The following PCLO variants were observed in gnomAD, a reference collection of about 807,000 sequenced individuals.
PCLO encodes protein piccolo.
A neutral mutation model predicts 427.5 loss-of-function variants in PCLO; 82 were observed. The ratio of observed to expected loss-of-function variants is 0.19; its 90% CI spans 0.16 to 0.23. The LOEUF is 0.23. Among genes scored for constraint, PCLO ranks in the 10% least tolerant of loss-of-function variants. PCLO has a pLI of 1.00. For missense variants in PCLO, 6,239 were observed against 6,115.9 expected (o/e 1.02, Z -0.67); for synonymous variants, 2,357 against 2,155.4 (o/e 1.09, Z -2.59).
intron 3 of PCLO, among the ~76,000 whole-genome samples, chr7:82,971,740 CCA>C (rs1491408377): frequency 1.4e-5 from 2 of 142,860 alleles, no homozygotes; most frequent in African/African-American, 5.2e-5. Context: ...TTTGTACCAA[CCA>C]TATATATATA....
chr7:83,041,526 TTA>T (rs1228722900), intron 3 of PCLO, among the ~76,000 whole-genome samples: 2 of 152,174 alleles, frequency 1.3e-5, no homozygotes, highest in African/African-American at 4.8e-5. Context: ...CATAACCAAA[TTA>T]TATATCATAG....
chr7:82,783,197 G>T (rs1790910730), intron 22 of PCLO, among the ~76,000 whole-genome samples: 1 of 152,204 alleles, frequency 6.6e-6, no homozygotes, highest in African/African-American at 2.4e-5. Context: ...ATCTACATGT[G>T]AATTTCTTAG....
At chr7:82,925,713 C>CTTTTTTTTTTT (rs34017885) in intron 6 of PCLO, among the ~76,000 whole-genome samples, 6 of 78,986 alleles carry the variant, frequency 7.6e-5, no homozygotes, top group Non-Finnish European at 1.2e-4. Flanking sequence ...ATTTTTGTTG[C>CTTTTTTTTTTT]TTTTTTTTTT....
chr7:82,996,418 G>A (rs1346964884), intron 3 of PCLO, among the ~76,000 whole-genome samples: 1 of 151,858 alleles, frequency 6.6e-6, no homozygotes, highest in African/African-American at 2.4e-5. Flanking sequence ...GAATATAGAA[G>A]TACTGAACCC....
rs969672419 is a variant in PCLO at position 82,916,592 on chromosome 7, T to C, written c.11394A>G (p.Leu3798=). Residue 3798 remains leucine, a synonymous_variant, in exon 7 of 25, where the codon CTA becomes CTG. Transcript: ENST00000333891. Reference sequence around the variant, plus strand: ...TGTTAATTCCCATTTCCAGGTATCGTAGCTTAGCATCAATCTCCTTTTCTT... The same window carrying C: ...TGTTAATTCCCATTTCCAGGTATCGCAGCTTAGCATCAATCTCCTTTTCTT... ...DEEEKEIDAK[L]RYLEMGINRR... 1 of 1,613,716 alleles carries C rather than the reference T, an allele frequency of 6.2e-7. No homozygotes were observed. The highest frequency in any genetic ancestry group is 1.3e-5 in the African/African-American group (1 of 75,030).
Position 82,876,455 on chromosome 7 carries a change from TACACAC to T in PCLO, c.13654+2876_13654+2881del, listed in dbSNP as rs35270740. On this transcript the variant is annotated intron_variant, in intron 10 of 24. Transcript: ENST00000333891. ...ACAGAACTATAGACAAAAACAAGTATACACACACACACACACACACACACACACACA... is the reference window on the plus strand; with the variant it reads ...ACAGAACTATAGACAAAAACAAGTATACACACACACACACACACACACACA... Among the ~76,000 whole-genome samples, 76 of 143,210 alleles carry T rather than the reference TACACAC, an allele frequency of 5.3e-4. 1 individual carries two copies. Among genetic ancestry groups the T allele is most frequent in the Admixed American group, 1.9e-3 (28 of 14,430 alleles). 94.0% of individuals were successfully genotyped at this position (143,210 alleles called of 152,430 possible).
At chr7:82,947,021 T>C (rs1267097859) in intron 6 of PCLO, among the ~76,000 whole-genome samples, 5 of 152,190 alleles carry the variant, frequency 3.3e-5, no homozygotes, top group Non-Finnish European at 5.9e-5. Context: ...GGCCCTCACT[T>C]GCCTTTCTGA....
intron 22 of PCLO, among the ~76,000 whole-genome samples, chr7:82,763,691 G>A (rs1290300711): frequency 6.6e-6 from 1 of 151,896 alleles, no homozygotes; most frequent in African/African-American, 2.4e-5. Context: ...CTCTTCCTCT[G>A]TCAAAAAACT....
At chr7:82,776,778 C>G (rs6955687) in intron 22 of PCLO, among the ~76,000 whole-genome samples, 92,244 of 151,738 alleles carry the variant, frequency 0.61, 29,116 homozygotes, top group East Asian at 0.87. Flanking sequence ...CTGGAAGACA[C>G]AGCGAGACTC....
intron 3 of PCLO, among the ~76,000 whole-genome samples, chr7:82,976,939 C>T (rs1796030501): frequency 6.6e-6 from 1 of 152,156 alleles, no homozygotes; most frequent in African/African-American, 2.4e-5. Flanking sequence ...TGCCTGGTCT[C>T]AAACTCCTGG....
chr7:82,908,886 A>G lies in PCLO; in HGVS notation c.13428T>C (p.His4476=), dbSNP rs1794254542. 2 of 1,612,074 alleles carry G rather than the reference A, an allele frequency of 1.2e-6. No individual in the cohort carries two copies. Among genetic ancestry groups the G allele is most frequent in the Admixed American group, 3.3e-5 (2 of 59,816 alleles). Residue 4476 remains histidine, a synonymous_variant, in exon 8 of 25, where the codon CAT becomes CAC. Coordinates refer to ENST00000333891, the MANE Select transcript of PCLO (RefSeq NM_033026.6). ...RLVHSRPLSQ[H]QEQIIQMNGK... ...TAAATATAGCACTTACTTGCTCTTG[A>G]TGTTGACTGAGTGGTCTAGAGTGGA...
intron 3 of PCLO, among the ~76,000 whole-genome samples, chr7:83,092,189 G>A (rs1182361137): frequency 6.6e-6 from 1 of 152,116 alleles, no homozygotes; most frequent in Non-Finnish European, 1.5e-5. Flanking sequence ...AATATGATTT[G>A]TAAGTCACCC....
intron 1 of PCLO, among the ~76,000 whole-genome samples, chr7:83,158,958 A>G (rs900772391): frequency 6.6e-6 from 1 of 152,074 alleles, no homozygotes; most frequent in Non-Finnish European, 1.5e-5. Flanking sequence ...TTTGTTAGGC[A>G]TAACAGTTTT....
chr7:82,985,344 T>C (rs1213629155), intron 3 of PCLO, among the ~76,000 whole-genome samples: 1 of 152,084 alleles, frequency 6.6e-6, no homozygotes, highest in African/African-American at 2.4e-5. Context: ...CCATGGTATT[T>C]ATTTTGGCCA....
intron 3 of PCLO, among the ~76,000 whole-genome samples, chr7:82,974,978 C>T (rs530128102): frequency 3.3e-5 from 5 of 152,062 alleles, no homozygotes; most frequent in African/African-American, 1.2e-4. Context: ...GGGGTTTCAC[C>T]GTATTAGCCA....
intron 4 of PCLO, among the ~76,000 whole-genome samples, chr7:82,961,298 T>C (rs1281585977): frequency 6.6e-6 from 1 of 152,130 alleles, no homozygotes; most frequent in Non-Finnish European, 1.5e-5. Flanking sequence ...ACACAGTTGA[T>C]GTGAAGGTGC....
intron 20 of PCLO, 72 bp from the exon 21 acceptor site, chr7:82,805,901 A>G (rs1791448740): frequency 1.4e-6 from 2 of 1,383,382 alleles, no homozygotes; most frequent in Admixed American, 4.1e-5. Context: ...ATGCATCATT[A>G]TACATCTTCT....
chr7:82,888,742 C>T (rs1793686297), intron 9 of PCLO, among the ~76,000 whole-genome samples: 1 of 152,124 alleles, frequency 6.6e-6, no homozygotes, highest in Non-Finnish European at 1.5e-5. Context: ...TTTGTATATA[C>T]TCTGGTCCCT....
At chr7:83,096,513 C>A (rs1389283039) in intron 3 of PCLO, among the ~76,000 whole-genome samples, 1 of 151,416 alleles carries the variant, frequency 6.6e-6, no homozygotes, top group Non-Finnish European at 1.5e-5. Flanking sequence ...AATATTTAAA[C>A]CATGTGAAGG....
Sources: allele counts gnomAD v4.1 joint callset (sites outside exome capture counted in the v4.1 genomes callset), GRCh38; gene constraint gnomAD v4.1.1; transcripts MANE v1.5; gene names NCBI Gene and HGNC (gene_info 2026-07-23, HGNC 2026-07-21).